The following MACROD2 variants were observed in gnomAD, a reference collection of about 807,000 sequenced individuals.
The protein encoded by MACROD2 is mono-ADP ribosylhydrolase 2.
MACROD2 carries 36 observed loss-of-function variants against 70.4 expected under a neutral mutation model. That is an observed-to-expected ratio of 0.51 (90% confidence interval 0.39 to 0.68). The LOEUF (loss-of-function observed/expected upper bound fraction) is 0.68. MACROD2 is among the 30% of genes least tolerant of loss of function. The pLI, the probability that MACROD2 is intolerant of heterozygous loss-of-function variation, is 0.00. For synonymous variants in MACROD2, 172 were observed against 178.8 expected (o/e 0.96, Z 0.30); for missense variants, 496 against 538.4 (o/e 0.92, Z 0.78).
At chr20:15,875,081 C>T (rs147772657) in intron 9 of MACROD2, among the ~76,000 whole-genome samples, 274 of 152,190 alleles carry the variant, frequency 1.8e-3, no homozygotes, top group African/African-American at 5.5e-3. Context: ...GCTGGAAAAG[C>T]GAGGAAACAG....
rs373011922 is a variant in MACROD2 at position 14,975,979 on chromosome 20, C to T, written c.419-253961C>T. The stretch of plus-strand genomic sequence containing the variant: ...GAATTAACAGGCTCAGGAAGGTAGG[C>T]GTTAACACCCTCTGCAGAAGTAGTC... On this transcript the variant is annotated intron_variant, in intron 5 of 17. Transcript: ENST00000684519. Among the ~76,000 whole-genome samples, 209 of 152,184 alleles carry T rather than the reference C, an allele frequency of 1.4e-3. 2 individuals carry two copies. The highest frequency in any genetic ancestry group is 2.4e-3 in the Non-Finnish European group (166 of 68,004).
chr20:14,705,082 T>A (rs925489739), intron 5 of MACROD2, among the ~76,000 whole-genome samples: 1 of 152,142 alleles, frequency 6.6e-6, no homozygotes, highest in Non-Finnish European at 1.5e-5. Flanking sequence ...TTTCCCATTT[T>A]GTGTATGTGT....
chr20:13,995,861 G>GGCGGGGGTCAGGCTGTGTGTGCC lies in MACROD2; in HGVS notation c.46+57_46+79dup, dbSNP rs2052632140. On this transcript the variant is annotated intron_variant, in intron 1 of 17. Coordinates refer to ENST00000684519, the MANE Select transcript of MACROD2 (RefSeq NM_001351661.2). This position sits in a 1 kb window ranked among gnomAD's most constrained non-coding sequence, Gnocchi z 4.3. ...TGCGGGCGGTGGGGGTTAGGGTGGG[G>GGCGGGGGTCAGGCTGTGTGTGCC]GCGGGGGTCAGGCTGTGTGTGCCGC... 1.4e-6 allele frequency: 2 copies of GGCGGGGGTCAGGCTGTGTGTGCC among 1,450,806 alleles called. No individual in the cohort carries two copies. Among genetic ancestry groups the GGCGGGGGTCAGGCTGTGTGTGCC allele is most frequent in the African/African-American group, 1.4e-5 (1 of 70,720 alleles). 89.9% of individuals were successfully genotyped at this position (1,450,806 alleles called of 1,614,324 possible). A position where few individuals can be genotyped will look rare whatever the true frequency, so the allele number is the denominator to read the frequency against.
At chr20:15,231,638 T>A (rs939307234) in intron 6 of MACROD2, among the ~76,000 whole-genome samples, 5 of 152,030 alleles carry the variant, frequency 3.3e-5, no homozygotes, top group African/African-American at 1.2e-4. Context: ...AACCTTTTAA[T>A]AGAGAAAGGA....
rs540307443 is a variant in MACROD2, at chr20:14,896,758, A to G, written c.418+211799A>G. On this transcript the variant is annotated intron_variant, in intron 5 of 17. Transcript: ENST00000684519. ...ATTGATACAAACTTCATTAAAGAAA[A>G]TGACAGATGGCATATGGCTGCAGGC... is the stretch of plus-strand genomic sequence containing the variant. Among the ~76,000 whole-genome samples, 6 of 152,316 alleles carry G rather than the reference A, an allele frequency of 3.9e-5. No homozygotes were observed. The South Asian group carries it at 1.2e-3, about 32-fold the overall frequency.
At chr20:16,019,295 A>G (rs2066970290) in intron 15 of MACROD2, among the ~76,000 whole-genome samples, 1 of 152,236 alleles carries the variant, frequency 6.6e-6, no homozygotes, top group Non-Finnish European at 1.5e-5. Flanking sequence ...AGGGTGGTAG[A>G]TGGACAACTA....
intron 6 of MACROD2, among the ~76,000 whole-genome samples, chr20:15,365,016 G>A (rs1265083714): frequency 6.6e-6 from 1 of 152,186 alleles, no homozygotes; most frequent in Non-Finnish European, 1.5e-5. Flanking sequence ...AAGGCAGAAA[G>A]AACTTCAACA....
At chr20:15,506,817 C>T (rs1318980676) in intron 8 of MACROD2, among the ~76,000 whole-genome samples, 1 of 152,220 alleles carries the variant, frequency 6.6e-6, no homozygotes. Context: ...GTGTGGTTAA[C>T]ATTCAGAGAC....
intron 5 of MACROD2, among the ~76,000 whole-genome samples, chr20:14,957,112 T>G (rs1600872044): frequency 6.6e-6 from 1 of 152,194 alleles, no homozygotes; most frequent in East Asian, 1.9e-4. Flanking sequence ...TTTTTTAGTA[T>G]ATGTGCTGCT....
At chr20:15,592,783 T>C (rs1473001468) in intron 8 of MACROD2, among the ~76,000 whole-genome samples, 1 of 152,238 alleles carries the variant, frequency 6.6e-6, no homozygotes. Context: ...ATCTCAGGTA[T>C]AAAATATGCT....
At chr20:15,200,093 A>C (rs2076642530) in intron 5 of MACROD2, among the ~76,000 whole-genome samples, 1 of 152,232 alleles carries the variant, frequency 6.6e-6, no homozygotes, top group Non-Finnish European at 1.5e-5. Context: ...CCTGCCTCCA[A>C]ATTTATCTTA....
intron 3 of MACROD2, among the ~76,000 whole-genome samples, chr20:14,092,767 C>T (rs1023806736): frequency 5.3e-5 from 8 of 152,124 alleles, no homozygotes; most frequent in African/African-American, 1.7e-4. Context: ...GCACAGTTCT[C>T]GCACAAAATA....
intron 5 of MACROD2, among the ~76,000 whole-genome samples, chr20:15,096,734 G>A (rs1013105054): frequency 6.6e-6 from 1 of 151,156 alleles, no homozygotes; most frequent in African/African-American, 2.4e-5. Flanking sequence ...CTGGTCTGGA[G>A]CTCCTGACGT....
intron 3 of MACROD2, among the ~76,000 whole-genome samples, chr20:14,403,088 G>A (rs539779335): frequency 1.3e-5 from 2 of 151,984 alleles, no homozygotes; most frequent in South Asian, 4.2e-4. Flanking sequence ...TTTGATATTG[G>A]GATATTAAAG....
chr20:15,294,178 C>G (rs999963854), intron 6 of MACROD2, among the ~76,000 whole-genome samples: 11 of 151,264 alleles, frequency 7.3e-5, no homozygotes, highest in Non-Finnish European at 1.2e-4. Flanking sequence ...ATTGCAACTT[C>G]TCTTGAAGAC....
chr20:14,287,084 T>C (rs1265478418), intron 3 of MACROD2, among the ~76,000 whole-genome samples: 1 of 152,168 alleles, frequency 6.6e-6, no homozygotes, highest in Non-Finnish European at 1.5e-5. Flanking sequence ...ATTTCTTAAC[T>C]GAACCCCTAG....
intron 5 of MACROD2, among the ~76,000 whole-genome samples, chr20:14,941,857 C>T (rs761054188): frequency 1.3e-5 from 2 of 151,550 alleles, no homozygotes; most frequent in Non-Finnish European, 2.9e-5. Context: ...GACCATGGCT[C>T]ACTGCAGCCT....
At position 14,027,860 on chromosome 20, in the gene MACROD2, G is replaced by A. The variant is rs190197149; in HGVS notation, c.163+25456G>A. On this transcript the variant is annotated intron_variant, in intron 2 of 17. Coordinates refer to ENST00000684519, the MANE Select transcript of MACROD2 (RefSeq NM_001351661.2). ...TGAGGTGTCTGTCGACCCCGGCTGG[G>A]AGGTGTCACCTAGTCAAGAGGTAAA... Among the ~76,000 whole-genome samples the A allele has an allele frequency of 8.5e-3, 1,294 of 152,302 alleles. 16 individuals are homozygous for A. Among genetic ancestry groups the A allele is most frequent in the Non-Finnish European group, 9.3e-3 (634 of 68,020 alleles).
intron 8 of MACROD2, among the ~76,000 whole-genome samples, chr20:15,558,239 G>A (rs1568891138): frequency 6.6e-6 from 1 of 152,122 alleles, no homozygotes. Context: ...AGACCTCAGT[G>A]GCCATTCCAT....
Sources: gnomAD v4.1 joint callset for allele counts (sites outside exome capture counted in the v4.1 genomes callset) on GRCh38, gnomAD v4.1.1 for gene constraint, Gnocchi (gnomAD v3.1) non-coding constraint, MANE v1.5 for transcripts, NCBI Gene and HGNC (gene_info 2026-07-23, HGNC 2026-07-21) for gene names.